The following MYRIP variants were observed in gnomAD, a reference collection of about 807,000 sequenced individuals.
The protein encoded by MYRIP is myosin VIIA and Rab interacting protein.
In MYRIP, 49 loss-of-function variants were observed where a neutral mutation model predicts 98.0. The observed-to-expected ratio is 0.50, with a 90% CI of 0.40 to 0.63. The LOEUF (loss-of-function observed/expected upper bound fraction) is 0.63. MYRIP is among the 30% of genes least tolerant of loss of function. MYRIP has a pLI of 0.00. For synonymous variants in MYRIP, 404 were observed against 409.5 expected, an observed-to-expected ratio of 0.99 and a Z score of 0.16; for missense variants, 1,004 against 1,058.2, an observed-to-expected ratio of 0.95 and a Z score of 0.71.
intron 1 of MYRIP, among the ~76,000 whole-genome samples, chr3:39,878,395 C>T (rs541259439): frequency 7.2e-5 from 11 of 152,216 alleles, no homozygotes; most frequent in South Asian, 6.2e-4. Context: ...GAGATGAAGC[C>T]GGTACCTCAG....
At chr3:40,073,697 A>G (rs1575515354) in intron 3 of MYRIP, among the ~76,000 whole-genome samples, 1 of 152,236 alleles carries the variant, frequency 6.6e-6, no homozygotes, top group Non-Finnish European at 1.5e-5. Flanking sequence ...TTAATTACAG[A>G]GTAAGTGATT....
intron 2 of MYRIP, among the ~76,000 whole-genome samples, chr3:39,917,737 G>A (rs1417230403): frequency 1.8e-5 from 2 of 111,748 alleles, no homozygotes; most frequent in African/African-American, 7.1e-5. Context: ...AAGACCCCAA[G>A]TCTGTTACAT....
intron 2 of MYRIP, among the ~76,000 whole-genome samples, chr3:40,031,429 C>G (rs1398260875): frequency 6.6e-6 from 1 of 152,098 alleles, no homozygotes; most frequent in Non-Finnish European, 1.5e-5. Flanking sequence ...AAACAGGGCT[C>G]TAGGTTCTGA....
intron 1 of MYRIP, among the ~76,000 whole-genome samples, chr3:39,892,784 A>G (rs1642071918): frequency 6.6e-6 from 1 of 152,198 alleles, no homozygotes; most frequent in African/African-American, 2.4e-5. Context: ...AGCATCCACC[A>G]CTTCATAATA....
At chr3:40,179,570 G>A (rs2125613062) in intron 8 of MYRIP, among the ~76,000 whole-genome samples, 1 of 152,304 alleles carries the variant, frequency 6.6e-6, no homozygotes, top group Admixed American at 6.5e-5. Flanking sequence ...TGAGAAGCTT[G>A]TAGATTTTTT....
chr3:39,914,116 T>C (rs778239554), intron 2 of MYRIP, among the ~76,000 whole-genome samples: 5 of 152,194 alleles, frequency 3.3e-5, no homozygotes, highest in Non-Finnish European at 2.9e-5. Flanking sequence ...TTAGTAACAC[T>C]GATGTTATGT....
At chr3:40,021,323 C>G (rs1210951086) in intron 2 of MYRIP, among the ~76,000 whole-genome samples, 1 of 152,170 alleles carries the variant, frequency 6.6e-6, no homozygotes, top group Non-Finnish European at 1.5e-5. Flanking sequence ...TAGAGGGCAT[C>G]ACCAGTGAGA....
chr3:40,250,296 A>G lies in MYRIP; in HGVS notation c.2337A>G (p.Thr779=). ...ACATAGCACCATGTGTGCGCTTCACAAGAAGACGGGATCAGAAGCAAAGGA... is the reference window on the plus strand; with the variant it reads ...ACATAGCACCATGTGTGCGCTTCACGAGAAGACGGGATCAGAAGCAAAGGA... ...GLNIAPCVRF[T]RRRDQKQRTQ... The change falls in exon 14 of 17, where the codon ACA becomes ACG. Residue 779 remains threonine, a synonymous_variant. Transcript: ENST00000302541. The G allele has an allele frequency of 6.2e-7, 1 of 1,614,118 alleles. No individual in the cohort carries two copies. Among genetic ancestry groups the G allele is most frequent in the Non-Finnish European group, 8.5e-7 (1 of 1,179,968 alleles).
At chr3:39,907,336 A>G (rs530698604) in intron 2 of MYRIP, among the ~76,000 whole-genome samples, 1 of 152,372 alleles carries the variant, frequency 6.6e-6, no homozygotes, top group South Asian at 2.1e-4. Context: ...AGTGCTCACC[A>G]AATATCTTAT....
intron 2 of MYRIP, among the ~76,000 whole-genome samples, chr3:39,947,487 G>A (rs1340137515): frequency 6.6e-6 from 1 of 152,142 alleles, no homozygotes; most frequent in Admixed American, 6.6e-5. Context: ...TTAGAACATT[G>A]AGGAGATATA....
At chr3:40,183,884 C>T (rs947638365) in intron 9 of MYRIP, among the ~76,000 whole-genome samples, 4 of 152,212 alleles carry the variant, frequency 2.6e-5, no homozygotes, top group Non-Finnish European at 5.9e-5. Flanking sequence ...TAACCAACAA[C>T]TATAGAAACA....
At chr3:39,856,942 G>A (rs902562436) in intron 1 of MYRIP, among the ~76,000 whole-genome samples, 10 of 152,194 alleles carry the variant, frequency 6.6e-5, no homozygotes, top group Admixed American at 2.0e-4. Flanking sequence ...ATGAGATGCG[G>A]TGGCTCATGC....
intron 1 of MYRIP, among the ~76,000 whole-genome samples, chr3:39,847,740 A>G (rs1942009871): frequency 6.6e-6 from 1 of 152,122 alleles, no homozygotes; most frequent in Non-Finnish European, 1.5e-5. Context: ...CTTCTTTTGT[A>G]TGAATGCTTC....
At chr3:40,247,525 ACT>A (rs1220930846) in intron 13 of MYRIP, among the ~76,000 whole-genome samples, 1 of 151,886 alleles carries the variant, frequency 6.6e-6, no homozygotes, top group Non-Finnish European at 1.5e-5. Flanking sequence ...CATAGCCCAC[ACT>A]CTTTTTCTTC....
At chr3:40,053,111 G>A (rs559764711) in intron 3 of MYRIP, among the ~76,000 whole-genome samples, 4 of 152,102 alleles carry the variant, frequency 2.6e-5, no homozygotes, top group Non-Finnish European at 5.9e-5. Flanking sequence ...ATAAAGAAAT[G>A]TAGGACTTGC....
At chr3:39,823,888 G>C (rs1029334624) in intron 1 of MYRIP, among the ~76,000 whole-genome samples, 2 of 151,766 alleles carry the variant, frequency 1.3e-5, no homozygotes, top group African/African-American at 4.8e-5. Flanking sequence ...TTTTGCTTTT[G>C]TTTCCCATGC....
rs182012174 is a variant in MYRIP, at chr3:40,235,359, A to T, written c.2100+1306A>T. 2.7e-3 allele frequency among the ~76,000 whole-genome samples: 411 copies of T among 152,370 alleles called. 4 individuals carry two copies. Among genetic ancestry groups the T allele is most frequent in the African/African-American group, 9.6e-3 (398 of 41,594 alleles). Reference sequence around the variant, plus strand: ...AAAACATTTAGCATAATGCTTGAAAAAAAGTACACAATAAATGTTGGCTGT... The same window carrying T: ...AAAACATTTAGCATAATGCTTGAAATAAAGTACACAATAAATGTTGGCTGT... On this transcript the variant is annotated intron_variant, in intron 12 of 16. Coordinates refer to ENST00000302541, the MANE Select transcript of MYRIP (RefSeq NM_015460.4).
intron 1 of MYRIP, among the ~76,000 whole-genome samples, chr3:39,893,804 T>C (rs1943544236): frequency 6.6e-6 from 1 of 152,124 alleles, no homozygotes; most frequent in Non-Finnish European, 1.5e-5. Flanking sequence ...GCTTTGAACA[T>C]TTTTATGTCA....
intron 2 of MYRIP, among the ~76,000 whole-genome samples, chr3:40,019,499 T>C (rs1443790940): frequency 6.6e-6 from 1 of 152,196 alleles, no homozygotes; most frequent in African/African-American, 2.4e-5. Flanking sequence ...GCTGCCTCCT[T>C]ACATGCCTAT....
Sources: allele counts gnomAD v4.1 joint callset (sites outside exome capture counted in the v4.1 genomes callset), GRCh38; gene constraint gnomAD v4.1.1; transcripts MANE v1.5; gene names NCBI Gene and HGNC (gene_info 2026-07-23, HGNC 2026-07-21).